LYRM4: variants seen among roughly 807,000 people sequenced by gnomAD.
LYRM4 encodes LYR motif containing 4.
Under a neutral mutation model 11.7 loss-of-function variants are expected in LYRM4, and 9 were observed. That is an observed-to-expected ratio of 0.77 (90% CI 0.46 to 1.34). LYRM4 has a LOEUF of 1.34. Ranked by LOEUF, LYRM4 falls within the 40% of genes most tolerant of loss-of-function variation. The probability of loss-of-function intolerance (pLI) is 0.00; values close to 1 mark genes in which losing one functional copy is unlikely to be tolerated. For synonymous variants in LYRM4, 42 were observed against 40.4 expected, an observed-to-expected ratio of 1.04 and a Z score of -0.15; for missense variants, 133 against 112.5, an observed-to-expected ratio of 1.18 and a Z score of -0.82.
At chr6:5,095,281 A>T in the LYRM4 span, among the ~76,000 whole-genome samples, 1 of 152,240 alleles carries the variant, frequency 6.6e-6, no homozygotes, top group Non-Finnish European at 1.5e-5. Context: ...TACAGGAAAA[A>T]CCTTAGACAA....
chr6:5,241,986 T>C (rs2127757737), intron 1 of LYRM4, among the ~76,000 whole-genome samples: 1 of 152,140 alleles, frequency 6.6e-6, no homozygotes, highest in Admixed American at 6.5e-5. Context: ...CCGGCCATAT[T>C]ACTACTACCT....
downstream of LYRM4, among the ~76,000 whole-genome samples, chr6:5,102,216 G>C (rs1762527619): frequency 6.6e-6 from 1 of 151,926 alleles, no homozygotes; most frequent in Non-Finnish European, 1.5e-5. Flanking sequence ...TATGTTTTAA[G>C]TATGTTAATG....
At chr6:5,122,289 C>A (rs1763492612) in intron 2 of LYRM4, among the ~76,000 whole-genome samples, 1 of 152,068 alleles carries the variant, frequency 6.6e-6, no homozygotes, top group Non-Finnish European at 1.5e-5. Context: ...TCTAGAAGTT[C>A]CTGACTTTGT....
intron 2 of LYRM4, chr6:5,186,815 C>T (rs1417565938): frequency 8.7e-6 from 5 of 574,228 alleles, no homozygotes; most frequent in Non-Finnish European, 1.4e-5. Flanking sequence ...GAAATCACAT[C>T]TCTACTAAGA....
intron 2 of LYRM4, among the ~76,000 whole-genome samples, chr6:5,146,947 T>C (rs549162690): frequency 6.6e-6 from 1 of 152,194 alleles, no homozygotes; most frequent in Non-Finnish European, 1.5e-5. Context: ...TAGGTCAATT[T>C]ACAGAAAAGC....
intron 2 of LYRM4, among the ~76,000 whole-genome samples, chr6:5,200,879 G>C (rs574115128): frequency 7.2e-4 from 110 of 152,262 alleles, no homozygotes; most frequent in African/African-American, 2.5e-3. Context: ...ACTGGTATAA[G>C]GTAAAAGTCC....
the LYRM4 span, among the ~76,000 whole-genome samples, chr6:5,050,861 A>C: frequency 4.5e-4 from 68 of 152,372 alleles, 1 homozygote; most frequent in South Asian, 0.01. Context: ...GAGAAAGACT[A>C]GATGGTAGAC....
At chr6:5,197,110 A>G (rs544678005) in intron 2 of LYRM4, among the ~76,000 whole-genome samples, 1 of 152,338 alleles carries the variant, frequency 6.6e-6, no homozygotes, top group South Asian at 2.1e-4. Flanking sequence ...GTGCTTCCAC[A>G]TTCAAGTGAG....
chr6:5,172,938 T>A (rs757041637), intron 2 of LYRM4, among the ~76,000 whole-genome samples: 12 of 152,324 alleles, frequency 7.9e-5, no homozygotes, highest in Non-Finnish European at 1.3e-4. Flanking sequence ...CCAAATGATC[T>A]GGAGTCAAGC....
At chr6:5,255,801 T>G (rs796695205) in intron 1 of LYRM4, among the ~76,000 whole-genome samples, 28 of 152,268 alleles carry the variant, frequency 1.8e-4, no homozygotes, top group African/African-American at 6.7e-4. Flanking sequence ...TGGCCTCAGA[T>G]GCCTAGCACC....
chr6:5,225,926 T>C (rs1762865158), intron 1 of LYRM4, among the ~76,000 whole-genome samples: 2 of 152,250 alleles, frequency 1.3e-5, no homozygotes, highest in Non-Finnish European at 2.9e-5. Context: ...AATTGCCTTT[T>C]TCTCATCATG....
the LYRM4 span, chr6:5,034,670 C>T: frequency 1.3e-5 from 2 of 151,910 alleles, no homozygotes; most frequent in Non-Finnish European, 2.8e-5. Flanking sequence ...TGGCACCATG[C>T]TTCCTGTACA....
chr6:5,219,662 C>T (rs1463799882), intron 1 of LYRM4, among the ~76,000 whole-genome samples: 2 of 151,732 alleles, frequency 1.3e-5, no homozygotes, highest in African/African-American at 4.8e-5. Context: ...GGGCTAATCA[C>T]CAGTTATTTC....
intron 2 of LYRM4, among the ~76,000 whole-genome samples, chr6:5,214,363 T>A (rs1436460010): frequency 6.6e-6 from 1 of 152,042 alleles, no homozygotes; most frequent in African/African-American, 2.4e-5. Flanking sequence ...AGCATTGAGA[T>A]GGGAGCAAGA....
intron 2 of LYRM4, among the ~76,000 whole-genome samples, chr6:5,128,200 A>C (rs901843804): frequency 4.6e-5 from 7 of 152,182 alleles, no homozygotes; most frequent in African/African-American, 1.7e-4. Flanking sequence ...ATTAAGTGAA[A>C]ATCCCAATTT....
intron 1 of LYRM4, among the ~76,000 whole-genome samples, chr6:5,253,252 G>A (rs1253922166): frequency 2.0e-5 from 3 of 152,134 alleles, no homozygotes; most frequent in Non-Finnish European, 4.4e-5. Flanking sequence ...TATTTCTTAA[G>A]CTATAAGAGG....
At chr6:5,180,990 A>C (rs1356779043) in intron 2 of LYRM4, among the ~76,000 whole-genome samples, 6 of 152,200 alleles carry the variant, frequency 3.9e-5, no homozygotes, top group Non-Finnish European at 8.8e-5. Flanking sequence ...TTTCTCAAGC[A>C]ATACATCTTA....
In LYRM4 at chr6:5,214,884, C is replaced by CTGT. The variant is rs1316549912; in HGVS notation, c.207+1731_207+1733dup. On this transcript the variant is annotated intron_variant, in intron 2 of 2. Coordinates refer to ENST00000330636, the MANE Select transcript of LYRM4 (RefSeq NM_020408.6). ...TCATCCCTGAGGTGGTGACAGCAAG[C>CTGT]TGTTCTGCAAGGTCGCCGTGTGTAT... Among the ~76,000 whole-genome samples, 3 of 151,642 alleles carry CTGT rather than the reference C, an allele frequency of 2.0e-5. No homozygotes were observed. In the Admixed American group the frequency reaches 2.0e-4, roughly 10 times the overall value.
the LYRM4 span, among the ~76,000 whole-genome samples, chr6:5,077,638 C>T: frequency 6.6e-6 from 1 of 151,940 alleles, no homozygotes; most frequent in African/African-American, 2.4e-5. Flanking sequence ...GTAAGATCTA[C>T]CTGAGAATAA....
Sources: allele counts gnomAD v4.1 joint callset (sites outside exome capture counted in the v4.1 genomes callset), GRCh38; gene constraint gnomAD v4.1.1; transcripts MANE v1.5; gene names NCBI Gene and HGNC (gene_info 2026-07-23, HGNC 2026-07-21).